The following TTC29 variants were observed in gnomAD, a reference collection of about 807,000 sequenced individuals.
TTC29 encodes tetratricopeptide repeat protein 29.
Under a neutral mutation model 58.1 loss-of-function variants are expected in TTC29, and 49 were observed. The observed-to-expected ratio is 0.84, with a 90% CI of 0.67 to 1.07. The LOEUF (loss-of-function observed/expected upper bound fraction) is 1.07, where lower values mean the gene tolerates loss of function less well. TTC29 is among the 50% of genes least tolerant of loss of function. The pLI is 0.00. For synonymous variants in TTC29, 209 were observed against 196.8 expected, an observed-to-expected ratio of 1.06 and a Z score of -0.52; for missense variants, 582 against 555.6, an observed-to-expected ratio of 1.05 and a Z score of -0.48.
At chr4:146,938,711 G>T (rs921831873) in intron 3 of TTC29, among the ~76,000 whole-genome samples, 4 of 151,984 alleles carry the variant, frequency 2.6e-5, no homozygotes, top group Non-Finnish European at 5.9e-5. Flanking sequence ...TATTTATTTT[G>T]TTCCAGGGGC....
chr4:146,733,493 G>A (rs1744496928), intron 11 of TTC29, among the ~76,000 whole-genome samples: 1 of 151,904 alleles, frequency 6.6e-6, no homozygotes, highest in South Asian at 2.1e-4. Context: ...ATATAATATG[G>A]TAACACTTTA....
At chr4:146,777,342 C>T (rs1037666950) in intron 11 of TTC29, among the ~76,000 whole-genome samples, 6 of 151,924 alleles carry the variant, frequency 3.9e-5, no homozygotes, top group African/African-American at 7.3e-5. Context: ...TGCCAGATGC[C>T]AGAGCCAGGA....
At chr4:146,794,288 A>T (rs1340496673) in intron 11 of TTC29, among the ~76,000 whole-genome samples, 1 of 152,132 alleles carries the variant, frequency 6.6e-6, no homozygotes, top group Non-Finnish European at 1.5e-5. Flanking sequence ...CTGCTCATCC[A>T]TGCCTACTAA....
chr4:146,833,597 C>T (rs1426218399), intron 9 of TTC29, among the ~76,000 whole-genome samples: 4 of 151,952 alleles, frequency 2.6e-5, no homozygotes, highest in South Asian at 2.1e-4. Flanking sequence ...GAAAATAATA[C>T]GAAGGAGGCA....
In TTC29 at chr4:146,901,867, T is replaced by C. The variant is rs997004820; in HGVS notation, c.586+1677A>G. On this transcript the variant is annotated intron_variant, in intron 6 of 12. Coordinates refer to ENST00000325106, the MANE Select transcript of TTC29 (RefSeq NM_031956.4). ...TTAAGACCTGGTTTTCCTAGAAGAA[T>C]GTAAGCTCTACAAGGGCAGAGACTT... 1.1e-4 allele frequency among the ~76,000 whole-genome samples: 17 copies of C among 152,228 alleles called. 1 individual carries two copies.
intron 11 of TTC29, among the ~76,000 whole-genome samples, chr4:146,770,277 A>T (rs544014908): frequency 1.3e-5 from 2 of 152,026 alleles, no homozygotes; most frequent in East Asian, 3.9e-4. Context: ...GCAGAGGATG[A>T]TCTAGTAGAT....
rs1415648541 is a variant in TTC29 at position 146,939,792 on chromosome 4, A to G, written c.92+12T>C. On this transcript the variant is annotated intron_variant, in intron 3 of 12. Coordinates refer to ENST00000325106, the MANE Select transcript of TTC29 (RefSeq NM_031956.4). Reference sequence around the variant, plus strand: ...TTCTGTAGGAAAATAAGTAAAAACCAGGGGCACGTACCTTGGAATTTTTCT... The same window carrying G: ...TTCTGTAGGAAAATAAGTAAAAACCGGGGGCACGTACCTTGGAATTTTTCT... The G allele has an allele frequency of 6.3e-7, 1 of 1,599,976 alleles. No homozygotes were observed. The highest frequency in any genetic ancestry group is 8.5e-7 in the Non-Finnish European group (1 of 1,175,216).
At chr4:146,834,623 C>T (rs1317058455) in intron 8 of TTC29, among the ~76,000 whole-genome samples, 4 of 152,116 alleles carry the variant, frequency 2.6e-5, no homozygotes, top group Non-Finnish European at 5.9e-5. Flanking sequence ...CAACCTATTA[C>T]ACACATGAGG....
At position 146,874,830 on chromosome 4, in the gene TTC29, CCAA is replaced by C. The variant is rs1462695017; in HGVS notation, c.682_684del (p.Leu228del). On this transcript the variant is annotated inframe_deletion, in exon 7 of 13. Coordinates refer to ENST00000325106, the MANE Select transcript of TTC29 (RefSeq NM_031956.4). The stretch of plus-strand genomic sequence containing the variant: ...TAAGTCCTCAGGAGACTCTCACAGG[CCAA>C]CAAGTTGAGAGAGCGGCCTGTCTCA... The C allele has an allele frequency of 1.9e-6, 3 of 1,613,228 alleles. No individual in the cohort carries two copies. The highest frequency in any genetic ancestry group is 2.5e-6 in the Non-Finnish European group (3 of 1,179,624).
intron 11 of TTC29, among the ~76,000 whole-genome samples, chr4:146,753,597 A>G (rs1746195105): frequency 6.6e-6 from 1 of 152,208 alleles, no homozygotes; most frequent in Non-Finnish European, 1.5e-5. Flanking sequence ...ATAAAGACAC[A>G]TGCACACATA....
At chr4:146,840,298 T>C (rs1728773768) in intron 8 of TTC29, among the ~76,000 whole-genome samples, 1 of 152,020 alleles carries the variant, frequency 6.6e-6, no homozygotes, top group Non-Finnish European at 1.5e-5. Flanking sequence ...GCAGCAGATG[T>C]GATCCCAGTA....
intron 11 of TTC29, among the ~76,000 whole-genome samples, chr4:146,784,735 C>A (rs1238538001): frequency 2.6e-5 from 4 of 152,110 alleles, no homozygotes; most frequent in Non-Finnish European, 4.4e-5. Context: ...ATAAGTTACC[C>A]AATTAATAGC....
At chr4:146,734,688 C>A (rs1436489257) in intron 11 of TTC29, among the ~76,000 whole-genome samples, 5 of 152,056 alleles carry the variant, frequency 3.3e-5, no homozygotes, top group Admixed American at 6.6e-5. Flanking sequence ...GGGAAAAAAA[C>A]CAATACATTT....
At chr4:146,935,666 A>G (rs918503833) in intron 4 of TTC29, among the ~76,000 whole-genome samples, 1 of 152,172 alleles carries the variant, frequency 6.6e-6, no homozygotes, top group African/African-American at 2.4e-5. Flanking sequence ...TCTCCTGCTC[A>G]TAGGTCTTAT....
chr4:146,720,706 C>A (rs1743291964), intron 11 of TTC29, among the ~76,000 whole-genome samples: 2 of 152,084 alleles, frequency 1.3e-5, no homozygotes, highest in South Asian at 4.1e-4. Context: ...AATAGCAAAC[C>A]AAGTAGACAC....
At chr4:146,830,223 A>G (rs557472749) in intron 9 of TTC29, among the ~76,000 whole-genome samples, 1 of 152,328 alleles carries the variant, frequency 6.6e-6, no homozygotes, top group South Asian at 2.1e-4. Flanking sequence ...AGTCTTAACC[A>G]ATTAATATTA....
At chr4:146,810,765 T>A (rs1474116508) in intron 10 of TTC29, among the ~76,000 whole-genome samples, 1 of 151,884 alleles carries the variant, frequency 6.6e-6, no homozygotes, top group African/African-American at 2.4e-5. Context: ...TAATTTTTTA[T>A]ATGTTTGGTA....
At chr4:146,831,746 A>T (rs911685445) in intron 9 of TTC29, 1 of 452,504 alleles carries the variant, frequency 2.2e-6, no homozygotes, top group Admixed American at 2.3e-5. Context: ...TATTCCAGAT[A>T]AGAAGCAAGG....
intron 11 of TTC29, among the ~76,000 whole-genome samples, chr4:146,796,681 A>T (rs1342607532): frequency 6.6e-6 from 1 of 152,172 alleles, no homozygotes; most frequent in Admixed American, 6.5e-5. Flanking sequence ...GTGTGATTAT[A>T]TCACCAACTG....
Sources: gnomAD v4.1 joint callset for allele counts (sites outside exome capture counted in the v4.1 genomes callset) on GRCh38, gnomAD v4.1.1 for gene constraint, MANE v1.5 for transcripts, NCBI Gene and HGNC (gene_info 2026-07-23, HGNC 2026-07-21) for gene names.